Variants in MEGF9 observed in about 807,000 individuals in gnomAD.
MEGF9 encodes multiple epidermal growth factor-like domains protein 9.
In MEGF9, 6 loss-of-function variants were observed where a neutral mutation model predicts 46.8. That is an observed-to-expected ratio of 0.13 (90% CI 0.07 to 0.25). The LOEUF is 0.25. MEGF9 is among the 10% of genes least tolerant of loss of function. The pLI is 1.00. For missense variants in MEGF9, 683 were observed against 792.4 expected (o/e 0.86, Z 1.66); for synonymous variants, 302 against 330.7 (o/e 0.91, Z 0.94).
Position 120,675,810 on chromosome 9 carries a change from C to T in MEGF9, c.602-16235G>A, listed in dbSNP as rs1028772203. 2.7e-5 allele frequency among the ~76,000 whole-genome samples: 4 copies of T among 148,252 alleles called. No individual in the cohort carries two copies. In the Admixed American group the frequency reaches 2.8e-4, roughly 10 times the overall value. On this transcript the variant is annotated intron_variant, in intron 1 of 5. Coordinates refer to ENST00000373930, the MANE Select transcript of MEGF9 (RefSeq NM_001080497.3). ...GGCTGAGGCAGGAGAATCGCTTGAA[C>T]CTGGGAGGCGGAAGCTGCAGTGAGC...
At chr9:120,633,845 G>T (rs189950905) in intron 2 of MEGF9, among the ~76,000 whole-genome samples, 2 of 152,230 alleles carry the variant, frequency 1.3e-5, no homozygotes, top group Admixed American at 6.5e-5. Flanking sequence ...CATTGATCCA[G>T]TGGTCATTCA....
At chr9:120,652,765 T>A (rs2043659440) in intron 2 of MEGF9, among the ~76,000 whole-genome samples, 1 of 152,212 alleles carries the variant, frequency 6.6e-6, no homozygotes, top group Non-Finnish European at 1.5e-5. Flanking sequence ...ATTCCAAATC[T>A]ACTCTTCTAG....
At chr9:120,634,674 C>T (rs1438544336) in intron 2 of MEGF9, among the ~76,000 whole-genome samples, 1 of 151,922 alleles carries the variant, frequency 6.6e-6, no homozygotes, top group Non-Finnish European at 1.5e-5. Flanking sequence ...ATCTTTTTAT[C>T]CATTCAGCCA....
chr9:120,691,805 A>T (rs1056595892), intron 1 of MEGF9, among the ~76,000 whole-genome samples: 6 of 152,214 alleles, frequency 3.9e-5, no homozygotes, highest in Non-Finnish European at 7.3e-5. Context: ...GGATACTTCA[A>T]GGCTGAACAT....
intron 1 of MEGF9, among the ~76,000 whole-genome samples, chr9:120,682,101 A>G (rs1309143023): frequency 6.6e-6 from 1 of 152,234 alleles, no homozygotes; most frequent in East Asian, 1.9e-4. Flanking sequence ...TTTTTATTAT[A>G]AGCAATCTGT....
intron 2 of MEGF9, among the ~76,000 whole-genome samples, chr9:120,645,559 G>A (rs1012238886): frequency 9.2e-5 from 14 of 152,150 alleles, no homozygotes; most frequent in Non-Finnish European, 1.8e-4. Flanking sequence ...TAGCATCACA[G>A]GAGGACTGAC....
chr9:120,676,993 C>A (rs1479789073), intron 1 of MEGF9, among the ~76,000 whole-genome samples: 1 of 152,162 alleles, frequency 6.6e-6, no homozygotes, highest in Non-Finnish European at 1.5e-5. Flanking sequence ...TACGTCAATA[C>A]CCTTCCTCAT....
chr9:120,689,299 C>G (rs982110333), intron 1 of MEGF9, among the ~76,000 whole-genome samples: 1 of 152,050 alleles, frequency 6.6e-6, no homozygotes, highest in African/African-American at 2.4e-5. Context: ...GTAACAACAT[C>G]AAGGCAAAAG....
chr9:120,714,200 C>G lies in MEGF9; in HGVS notation c.159G>C (p.Ala53=). 2 of 1,235,366 alleles carry G rather than the reference C, an allele frequency of 1.6e-6. No individual in the cohort carries two copies. Among genetic ancestry groups the G allele is most frequent in the Non-Finnish European group, 2.0e-6 (2 of 990,898 alleles). The allele number at this position is 1,235,366 out of a possible 1,614,324, so 76.5% of individuals were successfully genotyped here. The change falls in exon 1 of 6, where the codon GCG becomes GCC. Residue 53 remains alanine (A), a synonymous_variant. Transcript: ENST00000373930. The part of the protein sequence containing the change: ...GGGGAAGQVD[A]SPGPGLRGEP... ...CGCCCCGCAACCCGGGGCCCGGCGACGCGTCCACCTGCCCCGCGGCCCCGC... is the reference window on the plus strand; with the variant it reads ...CGCCCCGCAACCCGGGGCCCGGCGAGGCGTCCACCTGCCCCGCGGCCCCGC...
At chr9:120,685,295 C>T (rs890957690) in intron 1 of MEGF9, among the ~76,000 whole-genome samples, 4 of 152,332 alleles carry the variant, frequency 2.6e-5, no homozygotes, top group Admixed American at 2.6e-4. Context: ...CTTGCACACT[C>T]CTTCAGAGAA....
At chr9:120,711,859 A>ACACACACC (rs1412126837) in intron 1 of MEGF9, among the ~76,000 whole-genome samples, 5 of 144,092 alleles carry the variant, frequency 3.5e-5, no homozygotes, top group Non-Finnish European at 7.8e-5. Context: ...ACACACACAC[A>ACACACACC]CACACACACA....
At chr9:120,628,777 T>C (rs1202503900) in intron 2 of MEGF9, among the ~76,000 whole-genome samples, 1 of 152,188 alleles carries the variant, frequency 6.6e-6, no homozygotes, top group Non-Finnish European at 1.5e-5. Flanking sequence ...GAGGAAGATA[T>C]TAGCTCTATT....
At chr9:120,665,672 C>T (rs2043721840) in intron 1 of MEGF9, among the ~76,000 whole-genome samples, 1 of 152,050 alleles carries the variant, frequency 6.6e-6, no homozygotes. Context: ...CTGTATAGTA[C>T]CAATATTCTA....
intron 1 of MEGF9, among the ~76,000 whole-genome samples, chr9:120,702,681 CA>C (rs1295625194): frequency 6.6e-6 from 1 of 151,988 alleles, no homozygotes; most frequent in Non-Finnish European, 1.5e-5. Context: ...ACTGAAAGGA[CA>C]AATCCAAAAT....
At position 120,662,202 on chromosome 9, in the gene MEGF9, C is replaced by G. The variant is rs896339239; in HGVS notation, c.602-2627G>C. Reference sequence around the variant, plus strand: ...AGTTCTAATGGATAAACTTTCAATACTAACCAAGTTCACTGGTTATTTATT... The same window carrying G: ...AGTTCTAATGGATAAACTTTCAATAGTAACCAAGTTCACTGGTTATTTATT... On this transcript the variant is annotated intron_variant, in intron 1 of 5. Coordinates refer to ENST00000373930, the MANE Select transcript of MEGF9 (RefSeq NM_001080497.3). 3.9e-5 allele frequency among the ~76,000 whole-genome samples: 6 copies of G among 152,274 alleles called. No individual in the cohort carries two copies. The South Asian group carries it at 6.2e-4, about 16-fold the overall frequency.
intron 1 of MEGF9, among the ~76,000 whole-genome samples, chr9:120,671,584 G>T (rs1363264250): frequency 6.6e-6 from 1 of 152,056 alleles, no homozygotes; most frequent in Non-Finnish European, 1.5e-5. Context: ...TACCTTAATG[G>T]TCCTATACCT....
At position 120,605,696 on chromosome 9, in the gene MEGF9, A is replaced by G; in HGVS notation, c.1358-55T>C. The G allele has an allele frequency of 7.6e-7, 1 of 1,316,382 alleles. No individual in the cohort carries two copies. The highest frequency in any genetic ancestry group is 1.5e-5 in the African/African-American group (1 of 67,336). 81.5% of individuals were successfully genotyped at this position (1,316,382 alleles called of 1,614,324 possible). ...AAAGACAAAATTATCTAGTTTTGAG[A>G]AACAATAAAAGAAATACGCATGGGA... is the stretch of plus-strand genomic sequence containing the variant. On this transcript the variant is annotated intron_variant, in intron 5 of 5. Transcript: ENST00000373930. This position sits in a 1 kb window ranked among gnomAD's most constrained non-coding sequence, Gnocchi z 4.0.
intron 2 of MEGF9, among the ~76,000 whole-genome samples, chr9:120,647,919 CTCTT>C (rs2043632760): frequency 1.4e-5 from 2 of 144,856 alleles, no homozygotes; most frequent in South Asian, 2.2e-4. Flanking sequence ...GGAGTCATCT[CTCTT>C]TCTCTTTCTC....
At chr9:120,608,496 G>A (rs1440472930) in intron 4 of MEGF9, among the ~76,000 whole-genome samples, 5 of 152,034 alleles carry the variant, frequency 3.3e-5, no homozygotes. Context: ...CTTAAATGTG[G>A]GTACTCTGCA....
Sources: allele counts gnomAD v4.1 joint callset (sites outside exome capture counted in the v4.1 genomes callset), GRCh38; gene constraint gnomAD v4.1.1; non-coding constraint Gnocchi (gnomAD v3.1); transcripts MANE v1.5; gene names NCBI Gene and HGNC (gene_info 2026-07-23, HGNC 2026-07-21).